The following FAT1 variants were observed in gnomAD, a reference collection of about 807,000 sequenced individuals.
FAT1 encodes FAT atypical cadherin 1, also known as protocadherin Fat 1.
A neutral mutation model predicts 329.8 loss-of-function variants in FAT1; 171 were observed. The ratio of observed to expected loss-of-function variants is 0.52; its 90% CI spans 0.46 to 0.59. The LOEUF is 0.59. FAT1 is among the 20% of genes least tolerant of loss of function. FAT1 has a pLI of 0.00. For synonymous variants in FAT1, 2,233 were observed against 2,228.6 expected (o/e 1.00, Z -0.06); for missense variants, 5,672 against 5,774.4 (o/e 0.98, Z 0.57).
chr4:186,621,998 A>G (rs1296666191), intron 9 of FAT1, among the ~76,000 whole-genome samples: 1 of 152,188 alleles, frequency 6.6e-6, no homozygotes, highest in Non-Finnish European at 1.5e-5. Flanking sequence ...TGAAAAACAA[A>G]AAACAGAAGA....
At chr4:186,598,410 T>C (rs1738640521) in intron 22 of FAT1, 1 of 291,020 alleles carries the variant, frequency 3.4e-6, no homozygotes, top group Non-Finnish European at 6.3e-6. Flanking sequence ...TTTACCTGAG[T>C]GACCATGTAC....
At chr4:186,706,475 T>C in intron 2 of FAT1, 88 bp downstream of exon 2, 1 of 1,410,366 alleles carries the variant, frequency 7.1e-7, no homozygotes, top group Non-Finnish European at 9.5e-7. Flanking sequence ...CAACAGGGAA[T>C]TTTGAAGAAG....
intron 17 of FAT1, 131 bp downstream of exon 17, chr4:186,605,939 A>G: frequency 1.2e-6 from 1 of 805,204 alleles, no homozygotes; most frequent in South Asian, 1.8e-5. Context: ...TAATACTGAT[A>G]GCGACTTCTT....
Position 186,636,015 on chromosome 4 carries a change from G to T in FAT1, c.4183+10C>A, listed in dbSNP as rs759543141. On this transcript the variant is annotated intron_variant, in intron 6 of 26. Coordinates refer to ENST00000441802, the MANE Select transcript of FAT1 (RefSeq NM_005245.4). ...CCATACGGACAACGAAAATGAGGGG[G>T]AATGCTTACCAGTGATGTCAAACCA... 8 of 1,612,990 alleles carry T rather than the reference G, an allele frequency of 5.0e-6. No homozygotes were observed. The highest frequency in any genetic ancestry group is 5.9e-6 in the Non-Finnish European group (7 of 1,179,134).
Position 186,611,420 on chromosome 4 carries a change from A to G in FAT1, c.9819T>C (p.Asn3273=), listed in dbSNP as rs1739436055. ...AEITYSIISG[N]EHGKFSIDSK... is the part of the protein sequence containing the mutation. ...AATCTATGCTGAATTTCCCATGTTC[A>G]TTTCCACTTATTATTGAGTAGGTGA... The change falls in exon 14 of 27, where the codon AAT becomes AAC. Residue 3273 remains asparagine, a synonymous_variant. Coordinates refer to ENST00000441802, the MANE Select transcript of FAT1 (RefSeq NM_005245.4). The G allele has an allele frequency of 6.2e-7, 1 of 1,613,610 alleles. No individual in the cohort carries two copies. The highest frequency in any genetic ancestry group is 8.5e-7 in the Non-Finnish European group (1 of 1,179,708).
In FAT1 at chr4:186,628,216, T is replaced by G; in HGVS notation, c.4748A>C (p.Gln1583Pro). 1 of 1,613,964 alleles carries G rather than the reference T, an allele frequency of 6.2e-7. No individual in the cohort carries two copies. The highest frequency in any genetic ancestry group is 8.5e-7 in the Non-Finnish European group (1 of 1,179,874). Reference protein sequence around the residue: ...ESAAVGSVVLQVTALDKDKGK... With the variant: ...ESAAVGSVVLPVTALDKDKGK... ...TTTGTCCTTGTCCAGAGCCGTCACCTGCAACACAACTGAGCCAACGGCTGC... is the reference window on the plus strand; with the variant it reads ...TTTGTCCTTGTCCAGAGCCGTCACCGGCAACACAACTGAGCCAACGGCTGC... The change falls in exon 9 of 27, where the codon CAG becomes CCG. Residue 1583 changes from glutamine to proline, a missense_variant. Transcript: ENST00000441802.
chr4:186,723,118 G>C (rs1188069826), intron 1 of FAT1, among the ~76,000 whole-genome samples: 2 of 152,242 alleles, frequency 1.3e-5, no homozygotes, highest in Non-Finnish European at 2.9e-5. Context: ...CTCCTCCAGA[G>C]AAGACAGAAA....
chr4:186,634,216 T>C (rs977122226), intron 6 of FAT1, among the ~76,000 whole-genome samples: 3 of 152,158 alleles, frequency 2.0e-5, no homozygotes, highest in African/African-American at 7.2e-5. Context: ...TTTGAGCAAA[T>C]TGACCTAATA....
intron 4 of FAT1, 127 bp from the exon 5 acceptor site, chr4:186,637,041 ACAG>A (rs1740860262): frequency 1.3e-6 from 1 of 793,892 alleles, no homozygotes; most frequent in Non-Finnish European, 2.0e-6. Context: ...GACAACATAC[ACAG>A]CAGATCTTCA....
At chr4:186,700,777 G>A (rs545927981) in intron 2 of FAT1, among the ~76,000 whole-genome samples, 24 of 152,172 alleles carry the variant, frequency 1.6e-4, no homozygotes, top group African/African-American at 3.1e-4. Flanking sequence ...GAGTCCACCC[G>A]GTGGTTGTGA....
intron 7 of FAT1, 42 bp downstream of exon 7, chr4:186,633,642 T>C (rs1560953394): frequency 6.2e-7 from 1 of 1,611,636 alleles, no homozygotes; most frequent in Non-Finnish European, 8.5e-7. Context: ...GAACGTTATC[T>C]CCATCCTCCT....
intron 16 of FAT1, among the ~76,000 whole-genome samples, chr4:186,608,781 G>T (rs1739260076): frequency 6.6e-6 from 1 of 152,080 alleles, no homozygotes; most frequent in African/African-American, 2.4e-5. Context: ...CAATACAACT[G>T]GGTAAAGTCC....
At chr4:186,591,654 A>G (rs1213792523) in intron 26 of FAT1, among the ~76,000 whole-genome samples, 1 of 152,216 alleles carries the variant, frequency 6.6e-6, no homozygotes, top group Non-Finnish European at 1.5e-5. Flanking sequence ...CATCAGTTTA[A>G]CACTAAAACT....
intron 1 of FAT1, among the ~76,000 whole-genome samples, chr4:186,714,196 A>AGGC (rs1317542807): frequency 2.0e-5 from 3 of 151,902 alleles, no homozygotes; most frequent in African/African-American, 7.3e-5. Flanking sequence ...GCCACAACAC[A>AGGC]GGTGGAGCGC....
At chr4:186,678,166 C>A (rs1240514666) in intron 2 of FAT1, among the ~76,000 whole-genome samples, 1 of 152,060 alleles carries the variant, frequency 6.6e-6, no homozygotes, top group Admixed American at 6.5e-5. Flanking sequence ...GGATATCAAG[C>A]AGTTGATGGT....
intron 1 of FAT1, among the ~76,000 whole-genome samples, chr4:186,711,276 C>T (rs753656577): frequency 1.3e-5 from 2 of 152,182 alleles, no homozygotes; most frequent in East Asian, 1.9e-4. Context: ...TATTGAACCA[C>T]GTTCAAGTTG....
chr4:186,718,591 C>T (rs937202082), intron 1 of FAT1, among the ~76,000 whole-genome samples: 3 of 152,128 alleles, frequency 2.0e-5, no homozygotes, highest in Admixed American at 6.6e-5. Flanking sequence ...CGCTTGAACC[C>T]GGGAGGCGGA....
At chr4:186,652,214 A>T (rs1174778451) in intron 3 of FAT1, among the ~76,000 whole-genome samples, 2 of 152,192 alleles carry the variant, frequency 1.3e-5, no homozygotes, top group Non-Finnish European at 2.9e-5. Flanking sequence ...ATTTACAGGG[A>T]ATTGCCTTCA....
chr4:186,688,712 C>T (rs1743606752), intron 2 of FAT1, among the ~76,000 whole-genome samples: 1 of 146,716 alleles, frequency 6.8e-6, no homozygotes, highest in South Asian at 2.2e-4. Context: ...CAGCCAGCAG[C>T]CGGCACAAAA....
Sources: allele counts gnomAD v4.1 joint callset (sites outside exome capture counted in the v4.1 genomes callset), GRCh38; gene constraint gnomAD v4.1.1; transcripts MANE v1.5; gene names NCBI Gene and HGNC (gene_info 2026-07-23, HGNC 2026-07-21).